Variants in TERT observed in about 807,000 individuals in gnomAD.
The protein encoded by TERT is telomerase reverse transcriptase.
TERT carries 42 observed loss-of-function variants against 104.0 expected under a neutral mutation model. The ratio of observed to expected loss-of-function variants is 0.40; its 90% CI spans 0.32 to 0.52. The LOEUF (loss-of-function observed/expected upper bound fraction) is 0.52. Among genes scored for constraint, TERT ranks in the 20% least tolerant of loss-of-function variants. The pLI, the probability that TERT is intolerant of heterozygous loss-of-function variation, is 0.43. For synonymous variants in TERT, 781 were observed against 725.6 expected (o/e 1.08, Z -1.23); for missense variants, 1,101 against 1,610.3 (o/e 0.68, Z 5.41).
At chr5:1,253,946 G>A in intron 15 of TERT, 115 bp from the exon 16 acceptor site, 1 of 1,156,132 alleles carries the variant, frequency 8.6e-7, no homozygotes, top group Non-Finnish European at 1.3e-6. Flanking sequence ...GGCCCTGGCT[G>A]GTGGGAACCT....
chr5:1,290,320 C>A (rs1323800069), intron 2 of TERT, among the ~76,000 whole-genome samples: 1 of 63,114 alleles, frequency 1.6e-5, no homozygotes, highest in Admixed American at 1.6e-4. Flanking sequence ...ACTCACCCTA[C>A]ACGTGACAGG....
At chr5:1,264,217 A>G (rs1259269721) in intron 11 of TERT, 187 bp downstream of exon 11, 1 of 631,770 alleles carries the variant, frequency 1.6e-6, no homozygotes, top group Admixed American at 2.7e-5. Flanking sequence ...CGTTGTGAGC[A>G]CCCTCACTCC....
At chr5:1,260,427 C>T (rs772545293) in intron 12 of TERT, 47 bp downstream of exon 12, 3 of 1,612,486 alleles carry the variant, frequency 1.9e-6, no homozygotes, top group African/African-American at 2.7e-5. Context: ...TACTTGCGCA[C>T]ACACCTCCTG....
At chr5:1,258,337 A>T (rs922679272) in intron 13 of TERT, among the ~76,000 whole-genome samples, 3 of 152,248 alleles carry the variant, frequency 2.0e-5, no homozygotes, top group Admixed American at 2.0e-4. Context: ...GATGGCCTCC[A>T]TGACGTCCCA....
intron 10 of TERT, 162 bp downstream of exon 10, chr5:1,266,302 T>C (rs1748595857): frequency 1.4e-5 from 10 of 733,672 alleles, no homozygotes; most frequent in Non-Finnish European, 2.4e-5. Flanking sequence ...CCCCCAGGCC[T>C]GGGTGCACGG....
Position 1,287,089 on chromosome 5 carries a change from A to AT in TERT, c.1574-4466_1574-4465insA, listed in dbSNP as rs1253756708. On this transcript the variant is annotated intron_variant, in intron 2 of 15. Transcript: ENST00000310581. The surrounding 1 kb of genome is among the most constrained non-coding windows in gnomAD (Gnocchi z 4.3). The stretch of plus-strand genomic sequence containing the variant: ...ATCAGAGTGCACCAGGCGGGTCTCT[A>AT]GTGACAAAAAAATGAAAATAAATCA... Among the ~76,000 whole-genome samples the AT allele has an allele frequency of 6.6e-6, 1 of 152,166 alleles. No homozygotes were observed. Among genetic ancestry groups the AT allele is most frequent in the African/African-American group, 2.4e-5 (1 of 41,432 alleles).
rs759843505 is a variant in TERT, at chr5:1,279,411, C to T, written c.2010G>A (p.Ala670=). The change falls in exon 5 of 16, where the codon GCG becomes GCA. Residue 670 remains alanine (A), a synonymous_variant. Transcript: ENST00000310581. Reference sequence around the variant, plus strand: ...AGGCGCCCAGGAGGCCGGGGCGCCGCGCCCGCTCGTAGTTGAGCACGCTGA... The same window carrying T: ...AGGCGCCCAGGAGGCCGGGGCGCCGTGCCCGCTCGTAGTTGAGCACGCTGA... ...ALFSVLNYER[A]RRPGLLGASV... The T allele has an allele frequency of 9.0e-6, 14 of 1,552,352 alleles. No homozygotes were observed. The highest frequency in any genetic ancestry group is 7.8e-5 in the Admixed American group (4 of 51,356).
rs574586199 is a variant in TERT at position 1,292,066 on chromosome 5, C to T, written c.1573+1247G>A. Among the ~76,000 whole-genome samples, 3 of 152,094 alleles carry T rather than the reference C, an allele frequency of 2.0e-5. No homozygotes were observed. The highest frequency in any genetic ancestry group is 4.4e-5 in the Non-Finnish European group (3 of 68,022). On this transcript the variant is annotated intron_variant, in intron 2 of 15. Coordinates refer to ENST00000310581, the MANE Select transcript of TERT (RefSeq NM_198253.3). The surrounding 1 kb of genome is among the most constrained non-coding windows in gnomAD (Gnocchi z 5.5). The stretch of plus-strand genomic sequence containing the variant: ...GCCGAGTTAGCAATTCTGCACTGTA[C>T]ACAGAAAACGGTGTTAGGAGTGCCA...
rs1748900511 is a variant in TERT, at chr5:1,269,932, G to A, written c.2468+1187C>T. ...GACACAGTCACCTCCTGTCTGTCAG[G>A]GCATGAGGACGCAGTCATCACCTCA... On this transcript the variant is annotated intron_variant, in intron 8 of 15. Coordinates refer to ENST00000310581, the MANE Select transcript of TERT (RefSeq NM_198253.3). The surrounding 1 kb of genome is among the most constrained non-coding windows in gnomAD (Gnocchi z 9.0). 6.6e-6 allele frequency among the ~76,000 whole-genome samples: 1 copy of A among 152,140 alleles called. No individual in the cohort carries two copies. Among genetic ancestry groups the A allele is most frequent in the South Asian group, 2.1e-4 (1 of 4,820 alleles).
Position 1,263,937 on chromosome 5 carries a change from A to C in TERT, c.2843+467T>G, listed in dbSNP as rs1269173940. The stretch of plus-strand genomic sequence containing the variant: ...CCTGTAGACTGTGGATGAGCCTTGG[A>C]GTGTGGGGCTCACAGCGGAGAGACT... On this transcript the variant is annotated intron_variant, in intron 11 of 15. Transcript: ENST00000310581. This position sits in a 1 kb window ranked among gnomAD's most constrained non-coding sequence, Gnocchi z 5.3. Among the ~76,000 whole-genome samples the C allele has an allele frequency of 2.6e-5, 4 of 152,096 alleles. No individual in the cohort carries two copies. The highest frequency in any genetic ancestry group is 5.9e-5 in the Non-Finnish European group (4 of 68,012).
Position 1,294,775 on chromosome 5 carries a change from C to A in TERT, c.215G>T (p.Arg72Leu). ...GCCGACCCCGGGGAGGCCCACCTGG[C>A]GGAAGGAGGGGGCGGCGGGGGGCGG... ...ARPPPAAPSF[R>L]QVSCLKELVA... Residue 72 changes from arginine (R) to leucine (L), a missense_variant, in exon 1 of 16, where the codon CGC becomes CTC. By Grantham distance (102) the Arg-to-Leu change is moderately radical. Around this residue, in one of 5 missense-constraint regions of TERT, gnomAD observed 87 missense variants for 145.4 expected, o/e 0.60. Transcript: ENST00000310581. 6.5e-7 allele frequency: 1 copy of A among 1,538,828 alleles called. No individual in the cohort carries two copies. The highest frequency in any genetic ancestry group is 8.7e-7 in the Non-Finnish European group (1 of 1,151,322).
intron 6 of TERT, among the ~76,000 whole-genome samples, chr5:1,277,616 C>T (rs1227286673): frequency 7.9e-6 from 1 of 125,982 alleles, no homozygotes; most frequent in Admixed American, 8.2e-5. Flanking sequence ...GGGGGGGGGT[C>T]TCCTGGGCTC....
intron 6 of TERT, among the ~76,000 whole-genome samples, chr5:1,275,607 G>A (rs1024480176): frequency 6.6e-5 from 10 of 151,948 alleles, no homozygotes; most frequent in South Asian, 2.1e-4. Context: ...CTATAAACCC[G>A]ACCATAGTTC....
intron 6 of TERT, among the ~76,000 whole-genome samples, chr5:1,277,050 G>A (rs1319779823): frequency 6.6e-6 from 1 of 152,244 alleles, no homozygotes; most frequent in Non-Finnish European, 1.5e-5. Flanking sequence ...AGCGGGGCAG[G>A]ACGGACAGCC....
rs1448995569 is a variant in TERT, at chr5:1,294,049, G to A, written c.837C>T (p.Ala279=). The change falls in exon 2 of 16, where the codon GCC becomes GCT. Residue 279 remains alanine, a synonymous_variant. Coordinates refer to ENST00000310581, the MANE Select transcript of TERT (RefSeq NM_198253.3). The part of the protein sequence containing the change: ...GFCVVSPARP[A]EEATSLEGAL... The stretch of plus-strand genomic sequence containing the variant: ...CACCCTCCAAAGAGGTGGCTTCTTC[G>A]GCGGGTCTGGCAGGTGACACCACAC... The A allele has an allele frequency of 3.1e-6, 5 of 1,591,702 alleles. No individual in the cohort carries two copies. The highest frequency in any genetic ancestry group is 1.3e-5 in the African/African-American group (1 of 74,290).
In TERT at chr5:1,270,970, A is replaced by G; in HGVS notation, c.2468+149T>C. ...CCGGGGCCTCGGGAGCCTGCAGCCC[A>G]GGAGCCGGAGGGGGCGGGGGCCAGA... On this transcript the variant is annotated intron_variant, in intron 8 of 15. Transcript: ENST00000310581. The surrounding 1 kb of genome is among the most constrained non-coding windows in gnomAD (Gnocchi z 8.3). 1 of 658,396 alleles carries G rather than the reference A, an allele frequency of 1.5e-6. No individual in the cohort carries two copies. The highest frequency in any genetic ancestry group is 1.9e-5 in the South Asian group (1 of 53,458). The allele number at this position is 658,396 out of a possible 1,614,324, so 40.8% of individuals were successfully genotyped here.
Position 1,274,090 on chromosome 5 carries a change from G to C in TERT, c.2287-1810C>G, listed in dbSNP as rs527597171. ...CAGGCACGTGACACACACTAACACG[G>C]ACACAGGAGGCCTCGAGCTTGTGAG... On this transcript the variant is annotated intron_variant, in intron 6 of 15. Transcript: ENST00000310581. The surrounding 1 kb of genome is among the most constrained non-coding windows in gnomAD (Gnocchi z 5.3). Among the ~76,000 whole-genome samples the C allele has an allele frequency of 2.0e-5, 3 of 152,320 alleles. No individual in the cohort carries two copies. The East Asian group carries it at 5.8e-4, about 29-fold the overall frequency.
rs765944430 is a variant in TERT, at chr5:1,257,352, G to C, written c.3032+1246C>G. 4.6e-5 allele frequency among the ~76,000 whole-genome samples: 7 copies of C among 152,210 alleles called. No homozygotes were observed. The East Asian group carries it at 1.4e-3, about 30-fold the overall frequency. ...CTCTGACCTCATCATGGCCCAAGGA[G>C]GCCCCAAGCACGCCAGCTGGACCCT... is the stretch of plus-strand genomic sequence containing the variant. On this transcript the variant is annotated intron_variant, in intron 13 of 15. Coordinates refer to ENST00000310581, the MANE Select transcript of TERT (RefSeq NM_198253.3). The surrounding 1 kb of genome is among the most constrained non-coding windows in gnomAD (Gnocchi z 5.6).
At chr5:1,272,539 C>T (rs1749135024) in intron 6 of TERT, among the ~76,000 whole-genome samples, 1 of 111,384 alleles carries the variant, frequency 9.0e-6, no homozygotes, top group Non-Finnish European at 1.7e-5. Context: ...TCCACAGTCA[C>T]CACATCAGAC....
Sources: allele counts gnomAD v4.1 joint callset (sites outside exome capture counted in the v4.1 genomes callset), GRCh38; gene constraint gnomAD v4.1.1; regional missense constraint gnomAD v4.1.1; non-coding constraint Gnocchi (gnomAD v3.1); transcripts MANE v1.5; gene names NCBI Gene and HGNC (gene_info 2026-07-23, HGNC 2026-07-21).